ANKRD46: variants seen among roughly 807,000 people sequenced by gnomAD.
ANKRD46 encodes ankyrin repeat domain 46.
ANKRD46 carries 13 observed loss-of-function variants against 19.8 expected under a neutral mutation model. The observed-to-expected ratio is 0.66, with a 90% confidence interval of 0.43 to 1.04. ANKRD46 has a LOEUF of 1.04. Ranked by LOEUF, ANKRD46 falls within the 50% of genes least tolerant of loss-of-function variation. ANKRD46 has a pLI of 0.00. For synonymous variants in ANKRD46, 91 were observed against 106.9 expected, an observed-to-expected ratio of 0.85 and a Z score of 0.92; for missense variants, 185 against 274.8, an observed-to-expected ratio of 0.67 and a Z score of 2.31.
rs987219601 is a variant in ANKRD46, at chr8:100,521,036, A to G, written c.*1519T>C. On this transcript the variant is annotated 3_prime_UTR_variant, in exon 5 of 5. Coordinates refer to ENST00000335659, the MANE Select transcript of ANKRD46 (RefSeq NM_001270377.2). ...GTTTTTTGCTGGATTTACACCAACT[A>G]TGATTTACTTTGTTTGTATCTAACC... The G allele has an allele frequency of 1.3e-5, 13 of 985,090 alleles. No individual in the cohort carries two copies. Among genetic ancestry groups the G allele is most frequent in the Non-Finnish European group, 1.6e-5 (13 of 829,926 alleles). The allele number at this position is 985,090 out of a possible 1,614,324, so 61.0% of individuals were successfully genotyped here.
intron 5 of ANKRD46, among the ~76,000 whole-genome samples, chr8:100,512,954 G>A (rs1811570370): frequency 1.3e-5 from 2 of 152,120 alleles, no homozygotes; most frequent in South Asian, 4.1e-4. Context: ...GAGATCTCTG[G>A]GCTCTATTGA....
chr8:100,555,813 T>A (rs1042281321), intron 1 of ANKRD46, among the ~76,000 whole-genome samples: 4 of 149,620 alleles, frequency 2.7e-5, no homozygotes, highest in African/African-American at 4.9e-5. Context: ...TTATTGGATT[T>A]AAAAAATCAG....
intron 1 of ANKRD46, among the ~76,000 whole-genome samples, chr8:100,555,321 CA>C (rs1812471567): frequency 1.4e-5 from 2 of 147,070 alleles, no homozygotes; most frequent in East Asian, 4.0e-4. Context: ...ACACCAGAAG[CA>C]AAGAGGTGCA....
intron 1 of ANKRD46, among the ~76,000 whole-genome samples, chr8:100,539,840 G>A (rs532345108): frequency 2.0e-5 from 3 of 152,232 alleles, no homozygotes; most frequent in African/African-American, 7.2e-5. Flanking sequence ...CTTGAGCCCC[G>A]GAGTTCGAGA....
At position 100,543,876 on chromosome 8, in the gene ANKRD46, T is replaced by C. The variant is rs1016054557; in HGVS notation, c.-130-10565A>G. On this transcript the variant is annotated intron_variant, in intron 1 of 4. Coordinates refer to ENST00000335659, the MANE Select transcript of ANKRD46 (RefSeq NM_001270377.2). The surrounding 1 kb of genome is among the most constrained non-coding windows in gnomAD (Gnocchi z 4.2). ...CATCTAAATATTTTTATTCAAATAG[T>C]GTCCTTTCATACCATGTCTCTCTGG... Among the ~76,000 whole-genome samples, 3 of 152,352 alleles carry C rather than the reference T, an allele frequency of 2.0e-5. No individual in the cohort carries two copies. The highest frequency in any genetic ancestry group is 6.5e-5 in the Admixed American group (1 of 15,290).
rs1812357027 is a variant in ANKRD46, at chr8:100,550,258, G to A, written c.-131+9453C>T. On this transcript the variant is annotated intron_variant, in intron 1 of 4. Transcript: ENST00000335659. This position sits in a 1 kb window ranked among gnomAD's most constrained non-coding sequence, Gnocchi z 4.4. ...CACCAAATTGTCTCCCAAAGTAGCT[G>A]TACCATTTGGCATTCCCACTAGCAA... 6.6e-6 allele frequency among the ~76,000 whole-genome samples: 1 copy of A among 152,208 alleles called. No homozygotes were observed. Among genetic ancestry groups the A allele is most frequent in the Admixed American group, 6.5e-5 (1 of 15,284 alleles).
rs1170855582 is a variant in ANKRD46 at position 100,543,671 on chromosome 8, A to G, written c.-130-10360T>C. Among the ~76,000 whole-genome samples, 7 of 152,118 alleles carry G rather than the reference A, an allele frequency of 4.6e-5. No homozygotes were observed. On this transcript the variant is annotated intron_variant, in intron 1 of 4. Coordinates refer to ENST00000335659, the MANE Select transcript of ANKRD46 (RefSeq NM_001270377.2). The surrounding 1 kb of genome is among the most constrained non-coding windows in gnomAD (Gnocchi z 4.2). ...CACTCTCAGGATTGACGAGCTTTGG[A>G]TTTGGGGAAATGAACTATAATATGA...
intron 2 of ANKRD46, among the ~76,000 whole-genome samples, chr8:100,530,440 G>A (rs1198465420): frequency 2.6e-5 from 4 of 151,520 alleles, no homozygotes; most frequent in African/African-American, 9.7e-5. Context: ...CTGGAGTGCA[G>A]TGGCGCGGTC....
chr8:100,559,271 A>AC lies in ANKRD46; in HGVS notation c.-131+439dup, dbSNP rs2130719448. ...GTGCCATTCTGGAGAGCTCACTCACACCCCAACAGCTTGTCCCGGCGCCTG... is the reference window on the plus strand; with the variant it reads ...GTGCCATTCTGGAGAGCTCACTCACACCCCCAACAGCTTGTCCCGGCGCCTG... On this transcript the variant is annotated intron_variant, in intron 1 of 4. Coordinates refer to ENST00000335659, the MANE Select transcript of ANKRD46 (RefSeq NM_001270377.2). This position sits in a 1 kb window ranked among gnomAD's most constrained non-coding sequence, Gnocchi z 6.0. The AC allele has an allele frequency of 6.6e-6, 1 of 152,054 alleles. No homozygotes were observed. Among genetic ancestry groups the AC allele is most frequent in the South Asian group, 2.1e-4 (1 of 4,796 alleles). 9.4% of individuals were successfully genotyped at this position (152,054 alleles called of 1,614,324 possible).
intron 1 of ANKRD46, among the ~76,000 whole-genome samples, chr8:100,533,923 C>G (rs529524079): frequency 1.3e-5 from 2 of 152,344 alleles, no homozygotes; most frequent in African/African-American, 2.4e-5. Context: ...GCTGCTCCCC[C>G]ACCCAGGCTG....
chr8:100,520,963 A>C lies in ANKRD46; in HGVS notation c.*1592T>G. The stretch of plus-strand genomic sequence containing the variant: ...AAGCTAATTCCAAAGTTTTCTTCTG[A>C]ATATACTTCAAATTTGAATTGTAGT... On this transcript the variant is annotated 3_prime_UTR_variant, in exon 5 of 5. Transcript: ENST00000335659. 1.0e-6 allele frequency: 1 copy of C among 985,200 alleles called. No individual in the cohort carries two copies. Among genetic ancestry groups the C allele is most frequent in the Non-Finnish European group, 1.2e-6 (1 of 829,764 alleles). 61.0% of individuals were successfully genotyped at this position (985,200 alleles called of 1,614,324 possible).
rs1811917038 is a variant in ANKRD46, at chr8:100,529,670, C to T, written c.164G>A (p.Arg55Gln). 3 of 1,614,238 alleles carry T rather than the reference C, an allele frequency of 1.9e-6. No homozygotes were observed. The highest frequency in any genetic ancestry group is 2.2e-5 in the East Asian group (1 of 44,890). Reference sequence around the variant, plus strand: ...TAACTGGCAGATGTCTACATTCCCTCGAGCTGCTGCAAGGTGAAGGCCTGT... The same window carrying T: ...TAACTGGCAGATGTCTACATTCCCTTGAGCTGCTGCAAGGTGAAGGCCTGT... ...GRTGLHLAAA[R>Q]GNVDICQLLH... Residue 55 changes from arginine to glutamine, a missense_variant, in exon 3 of 5, where the codon CGA becomes CAA. Coordinates refer to ENST00000335659, the MANE Select transcript of ANKRD46 (RefSeq NM_001270377.2). The surrounding 1 kb of genome is among the most constrained non-coding windows in gnomAD (Gnocchi z 5.8).
chr8:100,517,465 A>G (rs1811652406), downstream of ANKRD46, among the ~76,000 whole-genome samples: 1 of 152,228 alleles, frequency 6.6e-6, no homozygotes, highest in African/African-American at 2.4e-5. Flanking sequence ...TACTGTTATC[A>G]GCTAAGCTTT....
chr8:100,538,166 A>G (rs1291420298), intron 1 of ANKRD46, among the ~76,000 whole-genome samples: 2 of 152,192 alleles, frequency 1.3e-5, no homozygotes, highest in Non-Finnish European at 2.9e-5. Flanking sequence ...TCATTGTCAC[A>G]AGATTTTAAA....
At chr8:100,538,730 A>G (rs1230177009) in intron 1 of ANKRD46, among the ~76,000 whole-genome samples, 1 of 152,212 alleles carries the variant, frequency 6.6e-6, no homozygotes, top group Non-Finnish European at 1.5e-5. Flanking sequence ...TGTGAAACCT[A>G]GGTAAACATA....
At chr8:100,542,080 T>C (rs938484207) in intron 1 of ANKRD46, among the ~76,000 whole-genome samples, 1 of 151,888 alleles carries the variant, frequency 6.6e-6, no homozygotes, top group East Asian at 1.9e-4. Flanking sequence ...ACATACATAA[T>C]GACAGTGGGT....
chr8:100,511,800 G>C lies in ANKRD46; in HGVS notation c.637-1161C>G, dbSNP rs916403933. Among the ~76,000 whole-genome samples the C allele has an allele frequency of 2.0e-5, 3 of 152,192 alleles. No homozygotes were observed. The highest frequency in any genetic ancestry group is 4.4e-5 in the Non-Finnish European group (3 of 68,036). On this transcript the variant is annotated intron_variant, in intron 5 of 5. Coordinates refer to the ANKRD46 transcript ENST00000520552. The surrounding 1 kb of genome is among the most constrained non-coding windows in gnomAD (Gnocchi z 4.1). The stretch of plus-strand genomic sequence containing the variant: ...GCACTTTGGGAGGTCAATGCGGGCA[G>C]ATCACTTGAGGTCAGGAGTTCGAGA...
chr8:100,523,164 T>A (rs1362032283), intron 4 of ANKRD46, among the ~76,000 whole-genome samples: 2 of 9,640 alleles, frequency 2.1e-4, no homozygotes, highest in East Asian at 1.3e-3. Flanking sequence ...ACCATCTCTA[T>A]TTTTTTTTAA....
At chr8:100,540,999 TC>T (rs1812164593) in intron 1 of ANKRD46, among the ~76,000 whole-genome samples, 1 of 149,828 alleles carries the variant, frequency 6.7e-6, no homozygotes, top group Admixed American at 6.7e-5. Context: ...TGCATAGGCT[TC>T]AAGTTCAACT....
Sources: gnomAD v4.1 joint callset for allele counts (sites outside exome capture counted in the v4.1 genomes callset) on GRCh38, gnomAD v4.1.1 for gene constraint, Gnocchi (gnomAD v3.1) non-coding constraint, MANE v1.5 for transcripts, NCBI Gene and HGNC (gene_info 2026-07-23, HGNC 2026-07-21) for gene names.